The following MBNL1 variants were observed in gnomAD, a reference collection of about 807,000 sequenced individuals.
The protein encoded by MBNL1 is muscleblind-like protein 1.
MBNL1 carries 8 observed loss-of-function variants against 42.2 expected under a neutral mutation model. That is an observed-to-expected ratio of 0.19 (90% CI 0.11 to 0.34). The LOEUF is 0.34. Ranked by LOEUF, MBNL1 falls within the 10% of genes least tolerant of loss-of-function variation. The probability of loss-of-function intolerance (pLI) is 1.00; values close to 1 mark genes in which losing one functional copy is unlikely to be tolerated. For missense variants in MBNL1, 309 were observed against 495.3 expected, an observed-to-expected ratio of 0.62 and a Z score of 3.57; for synonymous variants, 169 against 173.9, an observed-to-expected ratio of 0.97 and a Z score of 0.22.
chr3:152,410,187 G>A (rs1352230782), intron 2 of MBNL1, among the ~76,000 whole-genome samples: 1 of 152,036 alleles, frequency 6.6e-6, no homozygotes, highest in South Asian at 2.1e-4. Flanking sequence ...GTTTATAAAT[G>A]AATCATACAT....
chr3:152,428,936 C>G (rs949828712), intron 3 of MBNL1, among the ~76,000 whole-genome samples: 1 of 152,134 alleles, frequency 6.6e-6, no homozygotes, highest in African/African-American at 2.4e-5. Context: ...GGCTAATACC[C>G]ACTTCAGAAG....
chr3:152,370,084 C>G (rs894470702), intron 2 of MBNL1, among the ~76,000 whole-genome samples: 8 of 152,024 alleles, frequency 5.3e-5, no homozygotes, highest in African/African-American at 9.7e-5. Context: ...TTCTCTTGTT[C>G]TTTTCATTGT....
intron 2 of MBNL1, among the ~76,000 whole-genome samples, chr3:152,325,431 G>A (rs2079160408): frequency 1.3e-5 from 2 of 152,034 alleles, no homozygotes; most frequent in Non-Finnish European, 2.9e-5. Flanking sequence ...TTGAATGTTT[G>A]CTGGTTAAAG....
intron 2 of MBNL1, among the ~76,000 whole-genome samples, chr3:152,353,645 T>C (rs939499859): frequency 1.3e-5 from 2 of 150,272 alleles, no homozygotes; most frequent in African/African-American, 4.9e-5. Context: ...TATTAATTAT[T>C]GAAGAAGAGT....
chr3:152,312,832 G>C (rs770105448), intron 2 of MBNL1, among the ~76,000 whole-genome samples: 9 of 152,106 alleles, frequency 5.9e-5, no homozygotes, highest in Non-Finnish European at 1.3e-4. Context: ...AGATTGGCCT[G>C]TATGCTCTTT....
intron 4 of MBNL1, among the ~76,000 whole-genome samples, chr3:152,443,160 C>T (rs1046012712): frequency 7.2e-6 from 1 of 138,276 alleles, no homozygotes; most frequent in Non-Finnish European, 1.5e-5. Context: ...TTATAATAAA[C>T]CAATCCTTAA....
chr3:152,375,294 G>A (rs1270375439), intron 2 of MBNL1, among the ~76,000 whole-genome samples: 2 of 152,204 alleles, frequency 1.3e-5, no homozygotes, highest in African/African-American at 4.8e-5. Flanking sequence ...TCACAATTAA[G>A]TGTGGAGAAT....
chr3:152,441,441 G>C (rs1221055200), intron 4 of MBNL1, among the ~76,000 whole-genome samples: 2 of 152,090 alleles, frequency 1.3e-5, no homozygotes, highest in Admixed American at 1.3e-4. Context: ...TCATTGTGAA[G>C]ATTCCTTAGC....
At chr3:152,411,135 A>G (rs1052173194) in intron 2 of MBNL1, among the ~76,000 whole-genome samples, 3 of 152,246 alleles carry the variant, frequency 2.0e-5, no homozygotes, top group African/African-American at 7.2e-5. Context: ...ACAAGGTCAC[A>G]CAGCAAATAA....
chr3:152,301,694 C>T (rs775888587), intron 2 of MBNL1, among the ~76,000 whole-genome samples: 1 of 152,172 alleles, frequency 6.6e-6, no homozygotes, highest in Middle Eastern at 3.2e-3. Flanking sequence ...CCCATTGAGA[C>T]TTTCTTCACC....
chr3:152,335,311 A>G, intron 2 of MBNL1: 2 of 1,242,736 alleles, frequency 1.6e-6, no homozygotes, highest in South Asian at 2.5e-5. Context: ...CTGAGATGAC[A>G]TCCATGGGAA....
chr3:152,293,115 G>A (rs2056909601), intron 1 of MBNL1, among the ~76,000 whole-genome samples: 1 of 151,986 alleles, frequency 6.6e-6, no homozygotes. Flanking sequence ...TTATAATATT[G>A]ATGTAATCAC....
At chr3:152,453,063 A>G (rs927505338) in intron 6 of MBNL1, among the ~76,000 whole-genome samples, 8 of 151,664 alleles carry the variant, frequency 5.3e-5, no homozygotes, top group Non-Finnish European at 1.2e-4. Flanking sequence ...AATTAATAAA[A>G]ATAAAGAAGG....
chr3:152,430,063 C>G (rs1487575728), intron 3 of MBNL1, among the ~76,000 whole-genome samples: 2 of 152,070 alleles, frequency 1.3e-5, no homozygotes, highest in African/African-American at 4.8e-5. Context: ...CTTGATGACT[C>G]TATAGAAACA....
intron 2 of MBNL1, among the ~76,000 whole-genome samples, chr3:152,246,088 A>C (rs536332209): frequency 6.6e-6 from 1 of 152,280 alleles, no homozygotes; most frequent in South Asian, 2.1e-4. Context: ...TGTCTCTAAA[A>C]ATATAAAAAT....
intron 2 of MBNL1, among the ~76,000 whole-genome samples, chr3:152,351,205 A>G (rs904922998): frequency 5.3e-5 from 8 of 152,206 alleles, no homozygotes; most frequent in Non-Finnish European, 1.2e-4. Flanking sequence ...AAGTAGAAAC[A>G]TTTAACTGAA....
At chr3:152,279,073 C>T (rs957483495) in intron 1 of MBNL1, among the ~76,000 whole-genome samples, 2 of 151,956 alleles carry the variant, frequency 1.3e-5, no homozygotes, top group East Asian at 1.9e-4. Flanking sequence ...GCACTCTTTT[C>T]GGAATATGGA....
chr3:152,384,595 A>G (rs779738202), intron 2 of MBNL1, among the ~76,000 whole-genome samples: 2 of 152,118 alleles, frequency 1.3e-5, no homozygotes, highest in Non-Finnish European at 2.9e-5. Flanking sequence ...CATATTTAAC[A>G]TCCTTTTAGG....
At chr3:152,440,102 C>T (rs1001851358) in intron 4 of MBNL1, among the ~76,000 whole-genome samples, 10 of 152,124 alleles carry the variant, frequency 6.6e-5, no homozygotes, top group Non-Finnish European at 1.5e-4. Flanking sequence ...CCTATAGAAG[C>T]ATGCTTGTGT....
Sources: allele counts gnomAD v4.1 joint callset (sites outside exome capture counted in the v4.1 genomes callset), GRCh38; gene constraint gnomAD v4.1.1; transcripts MANE v1.5; gene names NCBI Gene and HGNC (gene_info 2026-07-23, HGNC 2026-07-21).